Variants in FHIT observed in about 807,000 individuals in gnomAD.
FHIT encodes bis(5'-adenosyl)-triphosphatase.
FHIT carries 19 observed loss-of-function variants against 17.9 expected under a neutral mutation model. The observed-to-expected ratio is 1.06, with a 90% CI of 0.74 to 1.56. FHIT has a LOEUF of 1.56. Among genes scored for constraint, FHIT ranks in the 40% most tolerant of loss-of-function variants. The probability of loss-of-function intolerance (pLI) is 0.00; values close to 1 mark genes in which losing one functional copy is unlikely to be tolerated. For synonymous variants in FHIT, 81 were observed against 69.7 expected, an observed-to-expected ratio of 1.16 and a Z score of -0.81; for missense variants, 248 against 189.2, an observed-to-expected ratio of 1.31 and a Z score of -1.82.
chr3:61,113,844 A>G (rs1576038526), intron 2 of FHIT, among the ~76,000 whole-genome samples: 1 of 152,350 alleles, frequency 6.6e-6, no homozygotes, highest in African/African-American at 2.4e-5. Context: ...CGCTGTAAGC[A>G]GTAGAAGTTG....
chr3:60,409,993 C>T (rs934045838), intron 5 of FHIT, among the ~76,000 whole-genome samples: 1 of 152,102 alleles, frequency 6.6e-6, no homozygotes, highest in African/African-American at 2.4e-5. Context: ...CGAACAAAAA[C>T]AACACCCTAA....
At chr3:60,178,831 A>C (rs1366966613) in intron 5 of FHIT, among the ~76,000 whole-genome samples, 1 of 152,180 alleles carries the variant, frequency 6.6e-6, no homozygotes, top group Non-Finnish European at 1.5e-5. Context: ...CCATGGTATG[A>C]GCATATTAAA....
At chr3:60,472,121 G>A (rs534843774) in intron 5 of FHIT, among the ~76,000 whole-genome samples, 9 of 129,384 alleles carry the variant, frequency 7.0e-5, no homozygotes, top group Admixed American at 1.7e-4. Context: ...TCCACGTAAC[G>A]TAACTGCACT....
At chr3:60,047,586 C>G (rs1297275849) in intron 5 of FHIT, among the ~76,000 whole-genome samples, 1 of 152,184 alleles carries the variant, frequency 6.6e-6, no homozygotes, top group Non-Finnish European at 1.5e-5. Context: ...CTAGGTCACC[C>G]TGGTTCCTCA....
rs187938452 is a variant in FHIT at position 61,173,474 on chromosome 3, T to C, written c.-164+27143A>G. On this transcript the variant is annotated intron_variant, in intron 2 of 9. Transcript: ENST00000492590. Reference sequence around the variant, plus strand: ...TTTATTATTGTTAGAATGCTTTCGATGTCTTTGGTGGTATGAACTGTGAGG... The same window carrying C: ...TTTATTATTGTTAGAATGCTTTCGACGTCTTTGGTGGTATGAACTGTGAGG... Among the ~76,000 whole-genome samples, 258 of 152,328 alleles carry C rather than the reference T, an allele frequency of 1.7e-3. 1 individual carries two copies. Among genetic ancestry groups the C allele is most frequent in the Non-Finnish European group, 2.9e-3 (195 of 68,024 alleles).
intron 5 of FHIT, among the ~76,000 whole-genome samples, chr3:60,258,065 T>TACACACACACACAC (rs67553597): frequency 1.9e-4 from 27 of 144,596 alleles, no homozygotes; most frequent in South Asian, 1.6e-3. Flanking sequence ...GGAAATTAAA[T>TACACACACACACAC]ACACACACAC....
chr3:60,532,393 T>G (rs1054322254), intron 5 of FHIT, among the ~76,000 whole-genome samples: 1 of 152,138 alleles, frequency 6.6e-6, no homozygotes, highest in African/African-American at 2.4e-5. Context: ...AGAAGAGAGA[T>G]AGACACAGCA....
At chr3:61,246,240 T>A (rs1434840971) in intron 1 of FHIT, among the ~76,000 whole-genome samples, 1 of 152,208 alleles carries the variant, frequency 6.6e-6, no homozygotes, top group Non-Finnish European at 1.5e-5. Context: ...GCTCCGTCTA[T>A]GGAGTAGCCA....
intron 7 of FHIT, among the ~76,000 whole-genome samples, chr3:59,993,984 A>G (rs534993921): frequency 6.6e-6 from 1 of 151,956 alleles, no homozygotes; most frequent in East Asian, 1.9e-4. Context: ...TAAGTCCCAT[A>G]CCTCCCTTAA....
intron 3 of FHIT, among the ~76,000 whole-genome samples, chr3:60,871,358 T>C (rs1388294045): frequency 6.6e-6 from 1 of 152,112 alleles, no homozygotes; most frequent in Non-Finnish European, 1.5e-5. Context: ...CTGTCTCCCA[T>C]GATTATCTCT....
intron 8 of FHIT, among the ~76,000 whole-genome samples, chr3:59,914,229 T>C (rs1257617762): frequency 3.3e-5 from 5 of 151,920 alleles, no homozygotes; most frequent in Admixed American, 3.3e-4. Context: ...GGCTTTGAAA[T>C]CCAAACTGGA....
At chr3:60,357,358 C>T (rs1174419530) in intron 5 of FHIT, among the ~76,000 whole-genome samples, 2 of 152,062 alleles carry the variant, frequency 1.3e-5, no homozygotes, top group African/African-American at 4.8e-5. Context: ...GGATTACAGG[C>T]ACCCATTCTT....
At chr3:60,058,132 T>G (rs1053983212) in intron 5 of FHIT, among the ~76,000 whole-genome samples, 5 of 22,548 alleles carry the variant, frequency 2.2e-4, no homozygotes, top group Non-Finnish European at 5.5e-4. Context: ...AGAGTTGTGT[T>G]TTTTTTTTTT....
chr3:60,647,658 A>G lies in FHIT; in HGVS notation c.-17-110679T>C, dbSNP rs2039892704. ...AAAACACCTTGAAATAGAGATTCCAATTAACTGCCTCTGATTGCTGGATAA... is the reference window on the plus strand; with the variant it reads ...AAAACACCTTGAAATAGAGATTCCAGTTAACTGCCTCTGATTGCTGGATAA... On this transcript the variant is annotated intron_variant, in intron 4 of 9. Transcript: ENST00000492590. Among the ~76,000 whole-genome samples the G allele has an allele frequency of 2.0e-5, 3 of 152,340 alleles. 1 individual carries two copies. Among genetic ancestry groups the G allele is most frequent in the South Asian group, 4.1e-4 (2 of 4,830 alleles).
At chr3:60,713,759 A>G (rs1326973924) in intron 4 of FHIT, among the ~76,000 whole-genome samples, 3 of 152,174 alleles carry the variant, frequency 2.0e-5, no homozygotes, top group Non-Finnish European at 4.4e-5. Context: ...TGAATAGACC[A>G]ATAACAGGAT....
At chr3:59,808,559 G>A (rs1700292827) in intron 8 of FHIT, among the ~76,000 whole-genome samples, 1 of 152,072 alleles carries the variant, frequency 6.6e-6, no homozygotes, top group Non-Finnish European at 1.5e-5. Flanking sequence ...CCACCTCCGG[G>A]TCTGTTGACA....
intron 5 of FHIT, among the ~76,000 whole-genome samples, chr3:60,083,530 T>C (rs1176787930): frequency 6.6e-6 from 1 of 152,004 alleles, no homozygotes; most frequent in African/African-American, 2.4e-5. Context: ...ACCTGTATAT[T>C]GCTTTGGGCA....
intron 5 of FHIT, among the ~76,000 whole-genome samples, chr3:60,212,670 A>G (rs1224387800): frequency 6.6e-6 from 1 of 152,182 alleles, no homozygotes; most frequent in South Asian, 2.1e-4. Flanking sequence ...GGGGAGAGGA[A>G]TATTATTTAG....
chr3:61,109,181 A>G (rs2036081394), intron 2 of FHIT, among the ~76,000 whole-genome samples: 1 of 152,162 alleles, frequency 6.6e-6, no homozygotes, highest in South Asian at 2.1e-4. Flanking sequence ...AGGTTTTATA[A>G]TCCCACCCAC....
Sources: gnomAD v4.1 joint callset for allele counts (sites outside exome capture counted in the v4.1 genomes callset) on GRCh38, gnomAD v4.1.1 for gene constraint, MANE v1.5 for transcripts, NCBI Gene and HGNC (gene_info 2026-07-23, HGNC 2026-07-21) for gene names.